NRROS: variants seen among roughly 807,000 people sequenced by gnomAD.
NRROS encodes the protein transforming growth factor beta activator LRRC33.
NRROS carries 6 observed loss-of-function variants against 12.0 expected under a neutral mutation model. That is an observed-to-expected ratio of 0.50 (90% confidence interval 0.27 to 0.98). NRROS has a LOEUF of 0.98. Among genes scored for constraint, NRROS ranks in the 50% least tolerant of loss-of-function variants. The probability of loss-of-function intolerance (pLI) is 0.11; values close to 1 mark genes in which losing one functional copy is unlikely to be tolerated. For synonymous variants in NRROS, 462 were observed against 410.2 expected (o/e 1.13, Z -1.53); for missense variants, 857 against 888.2 (o/e 0.96, Z 0.45).
At chr3:196,655,660 G>A (rs922977340) in intron 2 of NRROS, among the ~76,000 whole-genome samples, 4 of 152,200 alleles carry the variant, frequency 2.6e-5, no homozygotes, top group Admixed American at 6.5e-5. Flanking sequence ...CGAGTTGACC[G>A]CTAAGGCTTA....
chr3:196,660,592 A>T lies in NRROS; in HGVS notation c.949A>T (p.Ser317Cys). 1.9e-6 allele frequency: 3 copies of T among 1,614,172 alleles called. No individual in the cohort carries two copies. The change falls in exon 3 of 3, where the codon AGC (serine) becomes TGC (cysteine). Residue 317 changes from serine to cysteine, a missense_variant. Physicochemically the swap from Ser to Cys is moderately radical, Grantham distance 112. Coordinates refer to ENST00000328557, the MANE Select transcript of NRROS (RefSeq NM_198565.3). The surrounding 1 kb of genome is among the most constrained non-coding windows in gnomAD (Gnocchi z 7.7). ...DGNVTNITTVSLWEEFSSSDL... is the reference protein window; with the variant it reads ...DGNVTNITTVCLWEEFSSSDL... The stretch of plus-strand genomic sequence containing the variant: ...CAACGTGACCAACATCACCACCGTC[A>T]GCCTCTGGGAAGAATTCTCCTCCAG...
At chr3:196,653,664 A>AG (rs1436640522) in intron 1 of NRROS, among the ~76,000 whole-genome samples, 2 of 152,192 alleles carry the variant, frequency 1.3e-5, no homozygotes, top group East Asian at 3.9e-4. Flanking sequence ...GAGCTCGGGG[A>AG]GCGAGGCGGG....
intron 1 of NRROS, among the ~76,000 whole-genome samples, chr3:196,649,769 C>T (rs1737384797): frequency 1.3e-5 from 2 of 152,190 alleles, no homozygotes; most frequent in South Asian, 4.1e-4. Flanking sequence ...TGCGCCCGGC[C>T]AAAATATTTG....
In NRROS at chr3:196,654,756, C is replaced by G. The variant is rs574396143; in HGVS notation, c.108+109C>G. The G allele has an allele frequency of 9.7e-5, 66 of 681,102 alleles. No homozygotes were observed. Among genetic ancestry groups the G allele is most frequent in the Admixed American group, 6.6e-4 (24 of 36,164 alleles). The allele number at this position is 681,102 out of a possible 1,614,324, so 42.2% of individuals were successfully genotyped here. A position where few individuals can be genotyped will look rare whatever the true frequency, so the allele number is the denominator to read the frequency against. ...TCAGGAAGGGCAGAGAATGAAGGAG[C>G]CTGCATCACTCTGTGCCTGCCTAGC... On this transcript the variant is annotated intron_variant, in intron 2 of 2. Coordinates refer to ENST00000328557, the MANE Select transcript of NRROS (RefSeq NM_198565.3). This position sits in a 1 kb window ranked among gnomAD's most constrained non-coding sequence, Gnocchi z 4.4.
rs760759719 is a variant in NRROS at position 196,661,704 on chromosome 3, C to A, written c.2061C>A (p.His687Gln). 2 of 1,593,108 alleles carry A rather than the reference C, an allele frequency of 1.3e-6. No homozygotes were observed. Among genetic ancestry groups the A allele is most frequent in the South Asian group, 2.2e-5 (2 of 90,792 alleles). The change falls in exon 3 of 3, where the codon CAC (histidine) becomes CAA (glutamine). Residue 687 changes from histidine (H) to glutamine (Q), a missense_variant. Transcript: ENST00000328557. Reference sequence around the variant, plus strand: ...TTCAGGTCATCAAGAGCCGCTGCCACTGGTCCTCCGTTTACTGACCTGGCT... The same window carrying A: ...TTCAGGTCATCAAGAGCCGCTGCCAATGGTCCTCCGTTTACTGACCTGGCT... ...PLLQVIKSRC[H>Q]WSSVY
intron 1 of NRROS, among the ~76,000 whole-genome samples, chr3:196,649,765 C>T (rs1009408079): frequency 3.3e-5 from 5 of 152,182 alleles, no homozygotes; most frequent in Non-Finnish European, 5.9e-5. Flanking sequence ...CCACTGCGCC[C>T]GGCCAAAATA....
chr3:196,646,945 A>C lies in NRROS; in HGVS notation c.-14+7070A>C, dbSNP rs150969076. On this transcript the variant is annotated intron_variant, in intron 1 of 2. Transcript: ENST00000328557. ...TTAGCAAACTTGGGGATTATACTAC[A>C]CATTCTGCTTTACACTTTCCTTTCC... is the stretch of plus-strand genomic sequence containing the variant. Among the ~76,000 whole-genome samples the C allele has an allele frequency of 3.4e-3, 517 of 152,288 alleles. 6 individuals carry two copies. Among genetic ancestry groups the C allele is most frequent in the African/African-American group, 0.012 (487 of 41,568 alleles).
In NRROS at chr3:196,660,998, C is replaced by T. The variant is rs1737661855; in HGVS notation, c.1355C>T (p.Pro452Leu). 1 of 1,614,182 alleles carries T rather than the reference C, an allele frequency of 6.2e-7. No homozygotes were observed. The highest frequency in any genetic ancestry group is 8.5e-7 in the Non-Finnish European group (1 of 1,180,038). Residue 452 changes from proline (P) to leucine (L), a missense_variant, in exon 3 of 3, where the codon CCC (proline) becomes CTC (leucine). Transcript: ENST00000328557. The surrounding 1 kb of genome is among the most constrained non-coding windows in gnomAD (Gnocchi z 7.7). The stretch of plus-strand genomic sequence containing the variant: ...CCAGCTGCCTCGGACCGGGTGGGCC[C>T]CCCTAGCTGTGTGGATTTCAGGAAT... ...PLPAASDRVG[P>L]PSCVDFRNMA... is the part of the protein sequence containing the mutation.
intron 1 of NRROS, among the ~76,000 whole-genome samples, chr3:196,651,312 C>G (rs1368388744): frequency 6.6e-6 from 1 of 152,164 alleles, no homozygotes; most frequent in Non-Finnish European, 1.5e-5. Context: ...CAGGGTCCAA[C>G]CAGGAAACGG....
intron 1 of NRROS, among the ~76,000 whole-genome samples, chr3:196,641,662 C>A (rs1424707356): frequency 5.3e-5 from 8 of 152,194 alleles, no homozygotes; most frequent in Non-Finnish European, 1.0e-4. Flanking sequence ...TATCTTTGTT[C>A]TGGGGTGTGC....
chr3:196,654,321 A>G lies in NRROS; in HGVS notation c.-13-206A>G, dbSNP rs1168995550. Among the ~76,000 whole-genome samples, 1 of 152,222 alleles carries G rather than the reference A, an allele frequency of 6.6e-6. No homozygotes were observed. Among genetic ancestry groups the G allele is most frequent in the African/African-American group, 2.4e-5 (1 of 41,468 alleles). On this transcript the variant is annotated intron_variant, in intron 1 of 2. Transcript: ENST00000328557. This position sits in a 1 kb window ranked among gnomAD's most constrained non-coding sequence, Gnocchi z 4.4. ...CATCAAGTGGTAGAGGCAAAATGAA[A>G]TTGAGTTCTTGTCAACAGTTTCAGT...
In NRROS at chr3:196,661,318, G is replaced by A; in HGVS notation, c.1675G>A (p.Ala559Thr). Residue 559 changes from alanine (A) to threonine (T), a missense_variant, in exon 3 of 3, where the codon GCC becomes ACC. Coordinates refer to ENST00000328557, the MANE Select transcript of NRROS (RefSeq NM_198565.3). ...TTFPRFGGSL[A>T]LETLDLRRNS... ...CTTCCCAAGGTTTGGGGGCAGCCTG[G>A]CCCTGGAGACCCTGGATCTCCGTAG... 1 of 1,602,130 alleles carries A rather than the reference G, an allele frequency of 6.2e-7. No individual in the cohort carries two copies. Among genetic ancestry groups the A allele is most frequent in the Non-Finnish European group, 8.5e-7 (1 of 1,174,096 alleles).
At chr3:196,648,953 C>T (rs1374762489) in intron 1 of NRROS, among the ~76,000 whole-genome samples, 2 of 152,002 alleles carry the variant, frequency 1.3e-5, no homozygotes, top group African/African-American at 4.8e-5. Flanking sequence ...GTCTTACAGC[C>T]CAGATCTGTC....
intron 2 of NRROS, among the ~76,000 whole-genome samples, chr3:196,657,771 A>G (rs1411727543): frequency 6.6e-6 from 1 of 152,086 alleles, no homozygotes; most frequent in Non-Finnish European, 1.5e-5. Context: ...TGCAATCCCA[A>G]TCAAAATACC....
chr3:196,658,717 G>A (rs1737588433), intron 2 of NRROS, among the ~76,000 whole-genome samples: 1 of 152,216 alleles, frequency 6.6e-6, no homozygotes, highest in South Asian at 2.1e-4. Flanking sequence ...TGTAATCCCA[G>A]CACTTTTGGG....
chr3:196,659,783 G>T lies in NRROS; in HGVS notation c.140G>T (p.Ser47Ile), dbSNP rs778945377. ...GGAGCCGCTGACTGCCGAGGGCAGA[G>T]CCTCGCTTCGGTGCCCAGCAGCCTC... The part of the protein sequence containing the change: ...VGGAADCRGQ[S>I]LASVPSSLPP... Residue 47 changes from serine to isoleucine, a missense_variant, in exon 3 of 3, where the codon AGC (serine) becomes ATC (isoleucine). By Grantham distance (142) the Ser-to-Ile change is moderately radical. Transcript: ENST00000328557. 5.0e-6 allele frequency: 8 copies of T among 1,612,662 alleles called. No individual in the cohort carries two copies. The Admixed American group carries it at 8.3e-5, about 17-fold the overall frequency.
At chr3:196,643,255 C>T (rs79299935) in intron 1 of NRROS, among the ~76,000 whole-genome samples, 92 of 152,250 alleles carry the variant, frequency 6.0e-4, no homozygotes, top group African/African-American at 2.1e-3. Context: ...CCAGAGCGAA[C>T]GGAGTCAGGT....
intron 2 of NRROS, among the ~76,000 whole-genome samples, chr3:196,655,187 A>T (rs1348153608): frequency 2.0e-5 from 3 of 149,646 alleles, no homozygotes; most frequent in Non-Finnish European, 3.0e-5. Flanking sequence ...GTGAGCTGAG[A>T]TCATGCCCCT....
intron 1 of NRROS, among the ~76,000 whole-genome samples, chr3:196,650,938 G>A (rs555482895): frequency 2.0e-5 from 3 of 152,312 alleles, no homozygotes; most frequent in Admixed American, 6.5e-5. Flanking sequence ...GCAGCCCCTC[G>A]GGAAGCGGCT....
Sources: allele counts gnomAD v4.1 joint callset (sites outside exome capture counted in the v4.1 genomes callset), GRCh38; gene constraint gnomAD v4.1.1; non-coding constraint Gnocchi (gnomAD v3.1); transcripts MANE v1.5; gene names NCBI Gene and HGNC (gene_info 2026-07-23, HGNC 2026-07-21).